ANKH: variants seen among roughly 807,000 people sequenced by gnomAD.
The protein encoded by ANKH is mineralization regulator ANKH.
Under a neutral mutation model 49.0 loss-of-function variants are expected in ANKH, and 15 were observed. The ratio of observed to expected loss-of-function variants is 0.31; its 90% confidence interval spans 0.20 to 0.47. ANKH has a LOEUF of 0.47. Ranked by LOEUF, ANKH falls within the 20% of genes least tolerant of loss-of-function variation. The pLI is 1.00. For synonymous variants in ANKH, 273 were observed against 260.0 expected (o/e 1.05, Z -0.48); for missense variants, 429 against 652.0 (o/e 0.66, Z 3.72).
chr5:14,859,869 C>T (rs1177470206), intron 1 of ANKH, among the ~76,000 whole-genome samples: 1 of 152,230 alleles, frequency 6.6e-6, no homozygotes, highest in Non-Finnish European at 1.5e-5. Flanking sequence ...GGAGATTCTA[C>T]AGTTCAGCTA....
At position 14,724,802 on chromosome 5, in the gene ANKH, G is replaced by A. The variant is rs78797339; in HGVS notation, c.1012-7967C>T. The stretch of plus-strand genomic sequence containing the variant: ...CACGGTGGGACGGCCGTTTCTGTGT[G>A]TGTCCTCGGAGACCACCACCCTATG... On this transcript the variant is annotated intron_variant, in intron 8 of 11. Transcript: ENST00000284268. Among the ~76,000 whole-genome samples the A allele has an allele frequency of 4.9e-3, 746 of 152,260 alleles. 7 individuals carry two copies. Among genetic ancestry groups the A allele is most frequent in the African/African-American group, 0.016 (677 of 41,556 alleles).
intron 4 of ANKH, among the ~76,000 whole-genome samples, chr5:14,754,899 A>T (rs762178352): frequency 6.6e-6 from 1 of 152,102 alleles, no homozygotes; most frequent in Non-Finnish European, 1.5e-5. Context: ...AATATGAAGA[A>T]GCCCCATCTC....
intron 1 of ANKH, among the ~76,000 whole-genome samples, chr5:14,810,788 T>C (rs559151633): frequency 1.3e-5 from 2 of 152,222 alleles, no homozygotes; most frequent in Admixed American, 6.5e-5. Context: ...GTCTGCAAAA[T>C]AAATTTAAAA....
At chr5:14,803,899 C>T (rs879600453) in intron 1 of ANKH, among the ~76,000 whole-genome samples, 1 of 152,004 alleles carries the variant, frequency 6.6e-6, no homozygotes, top group Non-Finnish European at 1.5e-5. Flanking sequence ...TCTCTACCCC[C>T]AACTTTGTTT....
intron 2 of ANKH, among the ~76,000 whole-genome samples, chr5:14,762,346 C>G (rs574850132): frequency 9.8e-4 from 150 of 152,300 alleles, no homozygotes; most frequent in African/African-American, 3.4e-3. Flanking sequence ...TGAGCCCAGC[C>G]CAGCTTTCTG....
At chr5:14,739,406 G>C (rs1738284625) in intron 8 of ANKH, among the ~76,000 whole-genome samples, 1 of 152,020 alleles carries the variant, frequency 6.6e-6, no homozygotes, top group African/African-American at 2.4e-5. Flanking sequence ...GACGGAGTGA[G>C]ACTTTGTCTC....
intron 8 of ANKH, among the ~76,000 whole-genome samples, chr5:14,733,926 C>T (rs1738085225): frequency 6.6e-6 from 1 of 152,206 alleles, no homozygotes; most frequent in African/African-American, 2.4e-5. Flanking sequence ...GGTTTCTGTA[C>T]ACTGTCTTTA....
At position 14,871,375 on chromosome 5, in the gene ANKH, T is replaced by C; in HGVS notation, c.73A>G (p.Ile25Val). 1.2e-6 allele frequency: 2 copies of C among 1,612,596 alleles called. No homozygotes were observed. The highest frequency in any genetic ancestry group is 2.2e-5 in the East Asian group (1 of 44,766). The change falls in exon 1 of 12, where the codon ATA becomes GTA. Residue 25 changes from isoleucine to valine, a missense_variant. Physicochemically the swap from Ile to Val is conservative, Grantham distance 29 (BLOSUM62 3). This residue lies in a region of ANKH where 378 missense variants were observed against 615.3 expected (regional missense o/e 0.61). Transcript: ENST00000284268. ...ACCTGCTCCCCGAAGTCGATGGCTA[T>C]GTTGGTGATGCCCAGGGGCACCAAG... ...RFLVPLGITN[I>V]AIDFGEQALN...
chr5:14,742,366 G>A (rs902140558), intron 7 of ANKH, among the ~76,000 whole-genome samples: 1 of 152,140 alleles, frequency 6.6e-6, no homozygotes, highest in Non-Finnish European at 1.5e-5. Context: ...AATTCCACTG[G>A]GCATTCAAGG....
At chr5:14,747,087 T>G (rs569722761) in intron 6 of ANKH, among the ~76,000 whole-genome samples, 3 of 152,164 alleles carry the variant, frequency 2.0e-5, no homozygotes, top group Non-Finnish European at 4.4e-5. Context: ...CCTCTAAGCC[T>G]CCACTCCGTC....
chr5:14,867,671 T>C (rs1735687652), intron 1 of ANKH, among the ~76,000 whole-genome samples: 2 of 152,182 alleles, frequency 1.3e-5, no homozygotes. Context: ...GCCATTCTCC[T>C]GCCTCAGCCT....
chr5:14,717,564 G>T (rs896954913), intron 8 of ANKH, among the ~76,000 whole-genome samples: 2 of 152,186 alleles, frequency 1.3e-5, no homozygotes, highest in Admixed American at 1.3e-4. Context: ...AGGATGGCTG[G>T]AAGTCAAGTT....
intron 1 of ANKH, among the ~76,000 whole-genome samples, chr5:14,827,172 C>T (rs958050204): frequency 2.0e-5 from 3 of 152,202 alleles, no homozygotes; most frequent in Admixed American, 1.3e-4. Context: ...CTTCTTTCCG[C>T]GTGACTCTGA....
At chr5:14,774,596 C>T (rs1240399010) in intron 1 of ANKH, among the ~76,000 whole-genome samples, 1 of 152,064 alleles carries the variant, frequency 6.6e-6, no homozygotes, top group African/African-American at 2.4e-5. Flanking sequence ...CACCACAACG[C>T]CTGGCTAATC....
intron 1 of ANKH, among the ~76,000 whole-genome samples, chr5:14,816,989 T>C (rs932146084): frequency 6.6e-6 from 1 of 152,216 alleles, no homozygotes; most frequent in Non-Finnish European, 1.5e-5. Context: ...AATTAAAAAA[T>C]AACATAATCT....
At chr5:14,757,709 C>T (rs568951508) in intron 3 of ANKH, among the ~76,000 whole-genome samples, 29 of 152,156 alleles carry the variant, frequency 1.9e-4, no homozygotes, top group Admixed American at 4.6e-4. Flanking sequence ...CAGAAAAGAA[C>T]TGTTTATCTG....
intron 4 of ANKH, among the ~76,000 whole-genome samples, chr5:14,753,805 C>G (rs1415893732): frequency 6.6e-6 from 1 of 152,032 alleles, no homozygotes; most frequent in Non-Finnish European, 1.5e-5. Flanking sequence ...GAAAACAAAA[C>G]AAAACAAAAC....
At chr5:14,805,430 C>CAT (rs764517280) in intron 1 of ANKH, among the ~76,000 whole-genome samples, 1 of 119,346 alleles carries the variant, frequency 8.4e-6, no homozygotes, top group African/African-American at 3.2e-5. Flanking sequence ...ATCCTATAAA[C>CAT]ATATATATGT....
intron 1 of ANKH, among the ~76,000 whole-genome samples, chr5:14,787,090 G>A (rs1740002005): frequency 6.6e-6 from 1 of 151,870 alleles, no homozygotes. Flanking sequence ...GAGGCAGGTG[G>A]ATCACCTGAG....
Sources: allele counts gnomAD v4.1 joint callset (sites outside exome capture counted in the v4.1 genomes callset), GRCh38; gene constraint gnomAD v4.1.1; regional missense constraint gnomAD v4.1.1; transcripts MANE v1.5; gene names NCBI Gene and HGNC (gene_info 2026-07-23, HGNC 2026-07-21).